ANKRD27: variants seen among roughly 807,000 people sequenced by gnomAD.
ANKRD27 encodes the protein ankyrin repeat domain 27.
A neutral mutation model predicts 129.7 loss-of-function variants in ANKRD27; 112 were observed. The observed-to-expected ratio is 0.86, with a 90% confidence interval of 0.74 to 1.01. The LOEUF (loss-of-function observed/expected upper bound fraction) is 1.01. Ranked by LOEUF, ANKRD27 falls within the 50% of genes least tolerant of loss-of-function variation. The pLI, the probability that ANKRD27 is intolerant of heterozygous loss-of-function variation, is 0.00. For synonymous variants in ANKRD27, 516 were observed against 511.2 expected, an observed-to-expected ratio of 1.01 and a Z score of -0.13; for missense variants, 1,258 against 1,300.5, an observed-to-expected ratio of 0.97 and a Z score of 0.50.
chr19:32,651,015 G>T (rs1157544806), intron 2 of ANKRD27, among the ~76,000 whole-genome samples: 1 of 151,978 alleles, frequency 6.6e-6, no homozygotes, highest in African/African-American at 2.4e-5. Flanking sequence ...AAAGTGCTGG[G>T]ATGACAGTCA....
chr19:32,633,623 C>T (rs796109052), intron 12 of ANKRD27, among the ~76,000 whole-genome samples: 10 of 152,032 alleles, frequency 6.6e-5, no homozygotes, highest in African/African-American at 2.4e-4. Context: ...CAGGCCCAAC[C>T]CAGATTCTTT....
chr19:32,642,222 C>CCCCCCG, intron 9 of ANKRD27, 77 bp from the exon 10 acceptor site: 1 of 1,365,072 alleles, frequency 7.3e-7, no homozygotes, highest in South Asian at 1.7e-5. Flanking sequence ...GAACACATCT[C>CCCCCCG]AGGATCTACA....
At chr19:32,631,895 C>T (rs750250623) in intron 12 of ANKRD27, among the ~76,000 whole-genome samples, 6 of 152,212 alleles carry the variant, frequency 3.9e-5, no homozygotes, top group Non-Finnish European at 7.3e-5. Context: ...TTATCTGAGG[C>T]CTTTGGGCAG....
rs768191650 is a variant in ANKRD27, at chr19:32,642,117, G to A, written c.811C>T (p.Leu271=). The A allele has an allele frequency of 2.5e-6, 4 of 1,607,902 alleles. No individual in the cohort carries two copies. In the South Asian group the frequency reaches 4.4e-5, roughly 18 times the overall value. Reference sequence around the variant, plus strand: ...GAGGTGCATTTGTTCAGCTGAGCCAGCTCTCTTTTGGCACGAGGTATGTTA... The same window carrying A: ...GAGGTGCATTTGTTCAGCTGAGCCAACTCTCTTTTGGCACGAGGTATGTTA... The part of the protein sequence containing the change: ...SFNIPRAKRE[L]AQLNKCTSPQ... Residue 271 remains leucine, a synonymous_variant, in exon 10 of 29, where the codon CTG becomes TTG. Coordinates refer to ENST00000306065, the MANE Select transcript of ANKRD27 (RefSeq NM_032139.3).
chr19:32,617,142 A>C (rs1971932543), intron 21 of ANKRD27, among the ~76,000 whole-genome samples: 1 of 152,238 alleles, frequency 6.6e-6, no homozygotes, highest in African/African-American at 2.4e-5. Flanking sequence ...TGCATTAAAC[A>C]TAGCGCCCTC....
At chr19:32,642,831 G>A (rs536816928) in intron 9 of ANKRD27, among the ~76,000 whole-genome samples, 16 of 152,284 alleles carry the variant, frequency 1.1e-4, no homozygotes, top group South Asian at 2.1e-4. Context: ...TCCCCTGCAC[G>A]CAGAACCCAC....
rs78671827 is a variant in ANKRD27, at chr19:32,649,411, G to A, written c.213+271C>T. Among the ~76,000 whole-genome samples the A allele has an allele frequency of 7.4e-4, 112 of 152,050 alleles. 1 individual carries two copies. The East Asian group carries it at 0.019, about 25-fold the overall frequency. On this transcript the variant is annotated intron_variant, in intron 3 of 28. Coordinates refer to ENST00000306065, the MANE Select transcript of ANKRD27 (RefSeq NM_032139.3). ...ATCAGCAAGGAGGAGGTGTTCCAGC[G>A]ACACACGGCAGAAACCCCATCACGG...
chr19:32,614,323 G>A (rs1175412484), intron 22 of ANKRD27, among the ~76,000 whole-genome samples: 2 of 152,142 alleles, frequency 1.3e-5, no homozygotes, highest in African/African-American at 4.8e-5. Flanking sequence ...AAAGAATGGC[G>A]GGGTGGGTTT....
In ANKRD27 at chr19:32,643,448, T is replaced by A. The variant is rs1325457258; in HGVS notation, c.622A>T (p.Met208Leu). 10 of 1,613,708 alleles carry A rather than the reference T, an allele frequency of 6.2e-6. No homozygotes were observed. The highest frequency in any genetic ancestry group is 8.5e-6 in the Non-Finnish European group (10 of 1,179,994). Reference protein sequence around the residue: ...LAKQEAQMNLMKQAVEIYVHH... With the variant: ...LAKQEAQMNLLKQAVEIYVHH... ...ACCCTCACCTCCACTGCCTGCTTCA[T>A]CAGGTTCATCTGGGCCTCCTGCTTG... Residue 208 changes from methionine to leucine, a missense_variant, in exon 7 of 29, where the codon ATG becomes TTG. Met to Leu is a conservative substitution (Grantham distance 15). Coordinates refer to ENST00000306065, the MANE Select transcript of ANKRD27 (RefSeq NM_032139.3).
intron 3 of ANKRD27, among the ~76,000 whole-genome samples, chr19:32,647,529 G>A (rs750182260): frequency 2.6e-5 from 4 of 152,236 alleles, no homozygotes; most frequent in South Asian, 2.1e-4. Context: ...AGGGAAGCCC[G>A]GCCACAGTGT....
intron 9 of ANKRD27, 154 bp downstream of exon 9, chr19:32,642,969 G>A: frequency 5.5e-6 from 4 of 730,534 alleles, no homozygotes; most frequent in Non-Finnish European, 9.2e-6. Context: ...ATAAAGGGCA[G>A]CCCTTTATCT....
At chr19:32,601,406 C>T (rs1226207155) in intron 26 of ANKRD27, among the ~76,000 whole-genome samples, 3 of 151,978 alleles carry the variant, frequency 2.0e-5, no homozygotes, top group African/African-American at 7.3e-5. Context: ...ACCATCCTGG[C>T]TAACACGGTG....
At chr19:32,606,442 C>A (rs1971737789) in intron 23 of ANKRD27, among the ~76,000 whole-genome samples, 1 of 152,126 alleles carries the variant, frequency 6.6e-6, no homozygotes, top group Non-Finnish European at 1.5e-5. Context: ...GCATGAGCCA[C>A]CACGCCCAGC....
chr19:32,625,483 T>C (rs947749193), intron 17 of ANKRD27, among the ~76,000 whole-genome samples: 6 of 149,244 alleles, frequency 4.0e-5, no homozygotes, highest in African/African-American at 1.5e-4. Flanking sequence ...CAGGATGGAG[T>C]ACAATGGTGC....
At chr19:32,622,306 A>T (rs531199864) in intron 18 of ANKRD27, 116 bp downstream of exon 18, 2 of 1,099,396 alleles carry the variant, frequency 1.8e-6, no homozygotes, top group Non-Finnish European at 2.7e-6. Context: ...AAAGGGTGCA[A>T]GCCAAGTTCT....
chr19:32,641,066 T>G (rs913117832), intron 10 of ANKRD27, among the ~76,000 whole-genome samples: 3 of 151,044 alleles, frequency 2.0e-5, no homozygotes, highest in Non-Finnish European at 4.4e-5. Flanking sequence ...GCCCAGCTAA[T>G]TTTTTTTTGC....
At chr19:32,631,568 C>A in intron 12 of ANKRD27, 74 bp from the exon 13 acceptor site, 1 of 1,201,872 alleles carries the variant, frequency 8.3e-7, no homozygotes, top group Non-Finnish European at 1.2e-6. Context: ...CAGCAACAAC[C>A]CCGGCTGTCT....
intron 23 of ANKRD27, 81 bp downstream of exon 23, chr19:32,607,554 C>T: frequency 6.6e-7 from 1 of 1,509,102 alleles, no homozygotes; most frequent in Middle Eastern, 2.3e-4. Context: ...GCCACCAAAC[C>T]CCTGCAGCGT....
chr19:32,627,872 G>GT (rs1203681479), intron 15 of ANKRD27, among the ~76,000 whole-genome samples: 2 of 152,352 alleles, frequency 1.3e-5, no homozygotes, highest in East Asian at 3.9e-4. Context: ...CACGCAGGGG[G>GT]GCTCAGCCAG....
Sources: gnomAD v4.1 joint callset for allele counts (sites outside exome capture counted in the v4.1 genomes callset) on GRCh38, gnomAD v4.1.1 for gene constraint, MANE v1.5 for transcripts, NCBI Gene and HGNC (gene_info 2026-07-23, HGNC 2026-07-21) for gene names.